Variants in PPP1R12A observed in about 807,000 individuals in gnomAD.
The protein encoded by PPP1R12A is myosin binding subunit.
PPP1R12A carries 19 observed loss-of-function variants against 139.6 expected under a neutral mutation model. The ratio of observed to expected loss-of-function variants is 0.14; its 90% CI spans 0.09 to 0.20. The LOEUF is 0.20. PPP1R12A is among the 10% of genes least tolerant of loss of function. The probability of loss-of-function intolerance (pLI) is 1.00; values close to 1 mark genes in which losing one functional copy is unlikely to be tolerated. For synonymous variants in PPP1R12A, 427 were observed against 420.6 expected, an observed-to-expected ratio of 1.02 and a Z score of -0.19; for missense variants, 925 against 1,211.5, an observed-to-expected ratio of 0.76 and a Z score of 3.51.
intron 1 of PPP1R12A, among the ~76,000 whole-genome samples, chr12:79,911,425 C>G (rs1886551666): frequency 6.6e-6 from 1 of 152,080 alleles, no homozygotes; most frequent in South Asian, 2.1e-4. Context: ...AGGGCAACAA[C>G]AGACACTGGG....
chr12:79,867,825 T>C (rs1882141860), intron 2 of PPP1R12A, among the ~76,000 whole-genome samples: 1 of 152,174 alleles, frequency 6.6e-6, no homozygotes, highest in Non-Finnish European at 1.5e-5. Context: ...GATGATTTTA[T>C]AAAGGGCTTT....
At chr12:79,805,945 T>G in intron 13 of PPP1R12A, 177 bp from the exon 14 acceptor site, 1 of 927,462 alleles carries the variant, frequency 1.1e-6, no homozygotes, top group Non-Finnish European at 1.6e-6. Flanking sequence ...AGAGAGAAAT[T>G]TACATTTTAA....
At chr12:79,881,609 G>A (rs1883643681) in intron 1 of PPP1R12A, among the ~76,000 whole-genome samples, 1 of 152,212 alleles carries the variant, frequency 6.6e-6, no homozygotes, top group African/African-American at 2.4e-5. Context: ...AGGTGAAGCA[G>A]CAAGTGCTGA....
intron 1 of PPP1R12A, among the ~76,000 whole-genome samples, chr12:79,895,236 C>G (rs1885027459): frequency 6.6e-6 from 1 of 151,984 alleles, no homozygotes; most frequent in South Asian, 2.1e-4. Context: ...AGCAAGCTAA[C>G]ATTATTGGCA....
chr12:79,913,938 C>G (rs1009395251), intron 1 of PPP1R12A: 6 of 152,096 alleles, frequency 3.9e-5, no homozygotes, highest in Non-Finnish European at 8.8e-5. Flanking sequence ...TTGTATGTGA[C>G]ATCACAATAG....
In PPP1R12A at chr12:79,810,002, G is replaced by C. The variant is rs1201869068; in HGVS notation, c.1248C>G (p.Thr416=). 1 of 1,608,288 alleles carries C rather than the reference G, an allele frequency of 6.2e-7. No homozygotes were observed. The highest frequency in any genetic ancestry group is 8.5e-7 in the Non-Finnish European group (1 of 1,177,478). ...TPTSPIKKFP[T]TATKISPKEE... is the part of the protein sequence containing the mutation. ...CTTTGGGAGAAATTTTTGTAGCTGT[G>C]GTTGGAAACTGTGTTTATTTTATTT... Residue 416 remains threonine, a synonymous_variant, in exon 10 of 25, where the codon ACC becomes ACG. Transcript: ENST00000450142.
intron 20 of PPP1R12A, 108 bp from the exon 21 acceptor site, chr12:79,788,891 G>T: frequency 1.1e-6 from 1 of 905,900 alleles, no homozygotes; most frequent in Non-Finnish European, 1.6e-6. Flanking sequence ...GTAGGTCACA[G>T]TCTCCCTCTG....
At chr12:79,907,603 AT>A (rs1886233916) in intron 1 of PPP1R12A, among the ~76,000 whole-genome samples, 1 of 152,216 alleles carries the variant, frequency 6.6e-6, no homozygotes, top group Admixed American at 6.5e-5. Flanking sequence ...ATTACTGTTT[AT>A]AAAAATAAAT....
intron 24 of PPP1R12A, among the ~76,000 whole-genome samples, chr12:79,778,097 A>G (rs1172938321): frequency 6.6e-6 from 1 of 152,154 alleles, no homozygotes; most frequent in East Asian, 1.9e-4. Context: ...GTTTGATAAA[A>G]TACAGCTCTG....
chr12:79,778,437 A>G (rs933236778), intron 24 of PPP1R12A, 113 bp downstream of exon 24: 2 of 716,602 alleles, frequency 2.8e-6, no homozygotes, highest in Non-Finnish European at 4.1e-6. Context: ...TAGACAGTTC[A>G]CAAATTGGGT....
At chr12:79,843,863 C>T (rs1423534877) in intron 3 of PPP1R12A, among the ~76,000 whole-genome samples, 1 of 151,560 alleles carries the variant, frequency 6.6e-6, no homozygotes, top group East Asian at 2.0e-4. Flanking sequence ...CACCACCACG[C>T]CCAGCTAATT....
At chr12:79,868,041 A>G (rs1882171569) in intron 2 of PPP1R12A, among the ~76,000 whole-genome samples, 1 of 152,216 alleles carries the variant, frequency 6.6e-6, no homozygotes, top group Non-Finnish European at 1.5e-5. Context: ...GTAACCAAAT[A>G]GTAGAGATGA....
At chr12:79,804,740 T>TC (rs1873612798) in intron 14 of PPP1R12A, among the ~76,000 whole-genome samples, 1 of 151,956 alleles carries the variant, frequency 6.6e-6, no homozygotes, top group South Asian at 2.1e-4. Flanking sequence ...TTATTTTTTT[T>TC]CAAGAGGAAA....
At chr12:79,921,656 C>T (rs575321571) in intron 1 of PPP1R12A, among the ~76,000 whole-genome samples, 1 of 152,250 alleles carries the variant, frequency 6.6e-6, no homozygotes, top group East Asian at 1.9e-4. Context: ...TACATGTAGC[C>T]AGGGACCACT....
chr12:79,842,575 TTGTGTGTGTGTGTG>T (rs148792533), intron 3 of PPP1R12A, among the ~76,000 whole-genome samples: 23 of 143,930 alleles, frequency 1.6e-4, no homozygotes, highest in East Asian at 8.1e-4. Flanking sequence ...ATGTGGCACT[TTGTGTGTGTGTGTG>T]TGTGTGTGTG....
intron 2 of PPP1R12A, among the ~76,000 whole-genome samples, chr12:79,872,339 T>C (rs974245926): frequency 6.6e-6 from 1 of 152,210 alleles, no homozygotes; most frequent in Non-Finnish European, 1.5e-5. Flanking sequence ...ACAATGACTA[T>C]TTCTCATTGA....
intron 2 of PPP1R12A, chr12:79,848,886 T>G (rs938537026): frequency 6.6e-6 from 1 of 152,244 alleles, no homozygotes. Flanking sequence ...GAAACTTTTA[T>G]GCTCTGCAGA....
In PPP1R12A at chr12:79,808,464, C is replaced by A; in HGVS notation, c.1550+19G>T. The A allele has an allele frequency of 6.6e-7, 1 of 1,516,198 alleles. No homozygotes were observed. Among genetic ancestry groups the A allele is most frequent in the Non-Finnish European group, 9.1e-7 (1 of 1,095,912 alleles). 93.9% of individuals were successfully genotyped at this position (1,516,198 alleles called of 1,614,324 possible). ...AAGATTTTATAGTGAATGCATAAAG[C>A]AAATCAAAATAAACTCACCTGTTTT... On this transcript the variant is annotated intron_variant, in intron 11 of 24. Coordinates refer to ENST00000450142, the MANE Select transcript of PPP1R12A (RefSeq NM_002480.3).
chr12:79,793,865 G>T lies in PPP1R12A; in HGVS notation c.2647C>A (p.Gln883Lys). 6.3e-7 allele frequency: 1 copy of T among 1,581,418 alleles called. No individual in the cohort carries two copies. The highest frequency in any genetic ancestry group is 2.3e-5 in the East Asian group (1 of 43,482). Residue 883 changes from glutamine (Q) to lysine (K), a missense_variant and splice_region_variant, in exon 19 of 25, where the codon CAG becomes AAG. Gln to Lys is a moderately conservative substitution (Grantham distance 53). Around this residue, in one of 4 missense-constraint regions of PPP1R12A, gnomAD observed 315 missense variants for 363.4 expected, o/e 0.87. Coordinates refer to ENST00000450142, the MANE Select transcript of PPP1R12A (RefSeq NM_002480.3). ...TEEGSNKKETQTDSISRYETS... is the reference protein window; with the variant it reads ...TEEGSNKKETKTDSISRYETS... ...ATACAAAAAGTAATGGTATTTACCT[G>T]AGTTTCTTTCTTATTGGATCCCTCT...
Sources: gnomAD v4.1 joint callset for allele counts (sites outside exome capture counted in the v4.1 genomes callset) on GRCh38, gnomAD v4.1.1 for gene constraint, gnomAD v4.1.1 regional missense constraint, MANE v1.5 for transcripts, NCBI Gene and HGNC (gene_info 2026-07-23, HGNC 2026-07-21) for gene names.